The following PTPRN2 variants were observed in gnomAD, a reference collection of about 807,000 sequenced individuals.
The protein encoded by PTPRN2 is protein tyrosine phosphatase receptor type N2, also known as receptor-type tyrosine-protein phosphatase N2.
A neutral mutation model predicts 118.8 loss-of-function variants in PTPRN2; 74 were observed. The observed-to-expected ratio is 0.62, with a 90% CI of 0.52 to 0.76. The LOEUF (loss-of-function observed/expected upper bound fraction) is 0.76. Ranked by LOEUF, PTPRN2 falls within the 30% of genes least tolerant of loss-of-function variation. PTPRN2 has a pLI of 0.00. For synonymous variants in PTPRN2, 641 were observed against 608.0 expected (o/e 1.05, Z -0.80); for missense variants, 1,481 against 1,394.4 (o/e 1.06, Z -0.99).
In PTPRN2 at chr7:157,737,440, A is replaced by G. The variant is rs138908960; in HGVS notation, c.1789-54503T>C. ...GTGAGTGAGCCCTACATGCAGGAGC[A>G]TGGTGCTCTCTGGCCGGGCAGCCTC... is the stretch of plus-strand genomic sequence containing the variant. On this transcript the variant is annotated intron_variant, in intron 12 of 22. Transcript: ENST00000389418. 7.6e-3 allele frequency among the ~76,000 whole-genome samples: 1,163 copies of G among 152,380 alleles called. 8 individuals are homozygous for G. The highest frequency in any genetic ancestry group is 0.013 in the Non-Finnish European group (870 of 68,040).
At chr7:157,812,492 T>C (rs1166956000) in intron 12 of PTPRN2, among the ~76,000 whole-genome samples, 1 of 152,178 alleles carries the variant, frequency 6.6e-6, no homozygotes, top group Non-Finnish European at 1.5e-5. Context: ...GAAAAACTCT[T>C]TCAACACTCC....
chr7:157,743,153 A>C (rs1181476697), intron 12 of PTPRN2, among the ~76,000 whole-genome samples: 1 of 152,136 alleles, frequency 6.6e-6, no homozygotes, highest in Non-Finnish European at 1.5e-5. Flanking sequence ...ACTTCTGGAG[A>C]GTTCTAGAGA....
intron 12 of PTPRN2, among the ~76,000 whole-genome samples, chr7:157,693,129 G>T (rs1313536981): frequency 6.6e-6 from 1 of 151,986 alleles, no homozygotes; most frequent in East Asian, 1.9e-4. Flanking sequence ...GGGGCGGGAA[G>T]AGGGGAAGAC....
intron 1 of PTPRN2, among the ~76,000 whole-genome samples, chr7:158,550,062 C>A (rs774785984): frequency 7.2e-5 from 11 of 152,254 alleles, no homozygotes; most frequent in Non-Finnish European, 1.5e-4. Context: ...GGCTTTCACA[C>A]GAGAGCACAC....
chr7:158,280,600 G>A (rs1026072174), intron 3 of PTPRN2, among the ~76,000 whole-genome samples: 14 of 152,222 alleles, frequency 9.2e-5, no homozygotes, highest in African/African-American at 3.1e-4. Flanking sequence ...AGAGAACCAG[G>A]AGATGAAAGG....
At chr7:158,122,668 T>C (rs1349811623) in intron 9 of PTPRN2, among the ~76,000 whole-genome samples, 2 of 152,178 alleles carry the variant, frequency 1.3e-5, no homozygotes, top group Non-Finnish European at 2.9e-5. Context: ...GAACACACTA[T>C]TATTGGCCTC....
At chr7:158,070,343 GTGGTGGTGGAGGTGCCCC>G (rs1563386316) in intron 11 of PTPRN2, among the ~76,000 whole-genome samples, 2 of 138,016 alleles carry the variant, frequency 1.4e-5, no homozygotes, top group African/African-American at 2.7e-5. Context: ...GGAGGTGCCC[GTGGTGGTGGAGGTGCCCC>G]TGGTGGTGGA....
At chr7:158,538,008 CT>C (rs575577707) in intron 1 of PTPRN2, among the ~76,000 whole-genome samples, 28 of 152,324 alleles carry the variant, frequency 1.8e-4, no homozygotes, top group African/African-American at 5.5e-4. Flanking sequence ...GAAAACATTA[CT>C]TTTTTTCATT....
intron 10 of PTPRN2, among the ~76,000 whole-genome samples, chr7:158,083,732 G>A (rs553225173): frequency 7.4e-4 from 112 of 152,302 alleles, no homozygotes; most frequent in Non-Finnish European, 1.4e-3. Flanking sequence ...GGTACATCTC[G>A]CAGGCGGTGA....
intron 11 of PTPRN2, among the ~76,000 whole-genome samples, chr7:158,007,924 GGT>G (rs1346293276): frequency 4.0e-5 from 6 of 150,482 alleles, no homozygotes; most frequent in Non-Finnish European, 5.9e-5. Context: ...CGTGTGTGAG[GGT>G]GTGTGTGGCT....
intron 1 of PTPRN2, among the ~76,000 whole-genome samples, chr7:158,550,701 GT>G (rs1011422470): frequency 1.3e-5 from 2 of 152,226 alleles, no homozygotes; most frequent in African/African-American, 4.8e-5. Flanking sequence ...AGGTGGCTTT[GT>G]TTTCTTTTCA....
At chr7:158,146,295 A>T (rs764848346) in intron 6 of PTPRN2, among the ~76,000 whole-genome samples, 4 of 151,480 alleles carry the variant, frequency 2.6e-5, no homozygotes, top group Non-Finnish European at 2.9e-5. Context: ...ACCTATATTT[A>T]AAAAAATATG....
chr7:157,795,683 G>C (rs542839914), intron 12 of PTPRN2, among the ~76,000 whole-genome samples: 1 of 152,208 alleles, frequency 6.6e-6, no homozygotes. Context: ...AGGAACTTCC[G>C]CCATGGAGGC....
At chr7:157,734,320 C>G (rs1391226594) in intron 12 of PTPRN2, among the ~76,000 whole-genome samples, 2 of 148,172 alleles carry the variant, frequency 1.3e-5, no homozygotes, top group African/African-American at 5.0e-5. Context: ...CCGTCCCATG[C>G]ACCCAGCGCA....
chr7:158,535,371 T>C (rs1176136095), intron 1 of PTPRN2, among the ~76,000 whole-genome samples: 1 of 152,182 alleles, frequency 6.6e-6, no homozygotes, highest in South Asian at 2.1e-4. Flanking sequence ...AGCCTTGTTT[T>C]TCCTTTCTGT....
chr7:158,236,606 A>G (rs931428202), intron 3 of PTPRN2, among the ~76,000 whole-genome samples: 3 of 152,122 alleles, frequency 2.0e-5, no homozygotes, highest in Non-Finnish European at 4.4e-5. Context: ...AGCCGCCGTG[A>G]AGACGTGATG....
At chr7:157,906,524 C>G (rs1428437101) in intron 11 of PTPRN2, among the ~76,000 whole-genome samples, 6 of 152,228 alleles carry the variant, frequency 3.9e-5, no homozygotes. Context: ...AGTGGACAAT[C>G]CCGGACTGGG....
chr7:158,105,665 C>T (rs1815625367), intron 10 of PTPRN2, among the ~76,000 whole-genome samples: 1 of 151,886 alleles, frequency 6.6e-6, no homozygotes, highest in South Asian at 2.1e-4. Flanking sequence ...CTATCCCAGA[C>T]CATGGAGCTC....
intron 3 of PTPRN2, among the ~76,000 whole-genome samples, chr7:158,276,214 A>G (rs898949649): frequency 2.9e-5 from 3 of 101,932 alleles, no homozygotes; most frequent in African/African-American, 9.6e-5. Context: ...TGGCCCCGGC[A>G]GGCTGTAAGG....
Sources: gnomAD v4.1 joint callset for allele counts (sites outside exome capture counted in the v4.1 genomes callset) on GRCh38, gnomAD v4.1.1 for gene constraint, MANE v1.5 for transcripts, NCBI Gene and HGNC (gene_info 2026-07-23, HGNC 2026-07-21) for gene names.